Variants in SYNJ2BP observed in about 807,000 individuals in gnomAD.
SYNJ2BP encodes the protein synaptojanin-2-binding protein.
Under a neutral mutation model 16.9 loss-of-function variants are expected in SYNJ2BP, and 10 were observed. The ratio of observed to expected loss-of-function variants is 0.59; its 90% CI spans 0.36 to 1.00. The LOEUF (loss-of-function observed/expected upper bound fraction) is 1.00, where lower values mean the gene tolerates loss of function less well. SYNJ2BP is among the 50% of genes least tolerant of loss of function. SYNJ2BP has a pLI of 0.01. For missense variants in SYNJ2BP, 162 were observed against 186.7 expected (o/e 0.87, Z 0.77); for synonymous variants, 54 against 68.4 (o/e 0.79, Z 1.04).
At chr14:70,399,505 G>T (rs1888186440) in intron 1 of SYNJ2BP, among the ~76,000 whole-genome samples, 1 of 152,210 alleles carries the variant, frequency 6.6e-6, no homozygotes, top group South Asian at 2.1e-4. Context: ...CTGGGGATGG[G>T]TCCTGCCTGG....
chr14:70,369,740 A>G lies in SYNJ2BP; in HGVS notation c.*3251T>C, dbSNP rs1402716050. ...AACAATTAAGTTAAATCGATAACAC[A>G]TAAGTTGAAACTTCACAGGAAAACA... is the stretch of plus-strand genomic sequence containing the variant. On this transcript the variant is annotated 3_prime_UTR_variant, in exon 4 of 4. Coordinates refer to ENST00000256366, the MANE Select transcript of SYNJ2BP (RefSeq NM_018373.3). 2.0e-5 allele frequency: 3 copies of G among 152,254 alleles called. No homozygotes were observed. The highest frequency in any genetic ancestry group is 2.1e-4 in the South Asian group (1 of 4,836). 9.4% of individuals were successfully genotyped at this position (152,254 alleles called of 1,614,324 possible). A position where few individuals can be genotyped will look rare whatever the true frequency, so the allele number is the denominator to read the frequency against.
In SYNJ2BP at chr14:70,371,952, G is replaced by C. The variant is rs1887526662; in HGVS notation, c.*1039C>G. 1 of 152,068 alleles carries C rather than the reference G, an allele frequency of 6.6e-6. No homozygotes were observed. The highest frequency in any genetic ancestry group is 1.5e-5 in the Non-Finnish European group (1 of 68,038). The allele number at this position is 152,068 out of a possible 1,614,324, so 9.4% of individuals were successfully genotyped here. Reference sequence around the variant, plus strand: ...ACCTGGTTCTTCAATAGGACTCTGAGGTATCAAAAAAGTCACTAGGGCAGC... The same window carrying C: ...ACCTGGTTCTTCAATAGGACTCTGACGTATCAAAAAAGTCACTAGGGCAGC... On this transcript the variant is annotated 3_prime_UTR_variant, in exon 4 of 4. Transcript: ENST00000256366.
At chr14:70,395,620 T>C (rs2140847855) in intron 1 of SYNJ2BP, among the ~76,000 whole-genome samples, 1 of 152,332 alleles carries the variant, frequency 6.6e-6, no homozygotes, top group African/African-American at 2.4e-5. Flanking sequence ...TCTTTATCTA[T>C]ATCATGGTAA....
chr14:70,378,831 G>C (rs1887688679), intron 2 of SYNJ2BP, among the ~76,000 whole-genome samples: 1 of 152,078 alleles, frequency 6.6e-6, no homozygotes. Flanking sequence ...TTTTCCTTTT[G>C]TTCCCAAGCA....
At position 70,375,791 on chromosome 14, in the gene SYNJ2BP, T is replaced by C; in HGVS notation, c.202-20A>G. On this transcript the variant is annotated intron_variant, in intron 2 of 3. Transcript: ENST00000256366. ...ATTTACCTGTCAAAACACCAAAGAG[T>C]AGTAAGAAAGGAAGAAGGCTATTAG... 1.9e-6 allele frequency: 3 copies of C among 1,608,800 alleles called. No individual in the cohort carries two copies. The highest frequency in any genetic ancestry group is 4.5e-5 in the East Asian group (2 of 44,840).
chr14:70,416,811 A>T, intron 1 of SYNJ2BP, 89 bp downstream of exon 1: 1 of 1,597,196 alleles, frequency 6.3e-7, no homozygotes, highest in Non-Finnish European at 8.6e-7. Context: ...GCCCGCCCCG[A>T]GGCCAGGTGA....
chr14:70,416,885 C>A lies in SYNJ2BP; in HGVS notation c.64+15G>T, dbSNP rs1228615971. On this transcript the variant is annotated intron_variant, in intron 1 of 3. Coordinates refer to ENST00000256366, the MANE Select transcript of SYNJ2BP (RefSeq NM_018373.3). ...CTAATCCCCTACTGTCAGATATGAC[C>A]CTTTCCGCACATACCTGAGGGCCCT... 2 of 1,614,072 alleles carry A rather than the reference C, an allele frequency of 1.2e-6. No individual in the cohort carries two copies. The highest frequency in any genetic ancestry group is 3.3e-5 in the Admixed American group (2 of 60,016).
Position 70,367,583 on chromosome 14 carries a change from AAAAAG to A in SYNJ2BP, c.*5403_*5407del, listed in dbSNP as rs1386306000. The stretch of plus-strand genomic sequence containing the variant: ...TCTCAAAAAAAAAAAAAAAAAAAAA[AAAAAG>A]AAAAGAAAAGAATCTGGTTCTGATC... On this transcript the variant is annotated 3_prime_UTR_variant, in exon 4 of 4. Coordinates refer to ENST00000256366, the MANE Select transcript of SYNJ2BP (RefSeq NM_018373.3). 3 of 151,356 alleles carry A rather than the reference AAAAAG, an allele frequency of 2.0e-5. No homozygotes were observed. Among genetic ancestry groups the A allele is most frequent in the Admixed American group, 1.3e-4 (2 of 15,142 alleles). 9.4% of individuals were successfully genotyped at this position (151,356 alleles called of 1,614,324 possible). A position where few individuals can be genotyped will look rare whatever the true frequency, so the allele number is the denominator to read the frequency against.
rs1036788024 is a variant in SYNJ2BP at position 70,366,876 on chromosome 14, C to T, written c.*6115G>A. ...CCTGGAGGTAAAATGCAAATATATC[C>T]GGTAATAAGAAGCCCAGATTACTGC... On this transcript the variant is annotated 3_prime_UTR_variant, in exon 4 of 4. Transcript: ENST00000256366. 16 of 152,088 alleles carry T rather than the reference C, an allele frequency of 1.1e-4. No individual in the cohort carries two copies. Among genetic ancestry groups the T allele is most frequent in the Admixed American group, 7.2e-4 (11 of 15,264 alleles). The allele number at this position is 152,088 out of a possible 1,614,324, so 9.4% of individuals were successfully genotyped here. A position where few individuals can be genotyped will look rare whatever the true frequency, so the allele number is the denominator to read the frequency against.
chr14:70,369,546 A>C lies in SYNJ2BP; in HGVS notation c.*3445T>G, dbSNP rs2140797180. ...TGATTCTATTATTACCACCTACATA[A>C]TCCTAGTCAAGTAATTTTTTCTCTC... On this transcript the variant is annotated 3_prime_UTR_variant, in exon 4 of 4. Transcript: ENST00000256366. The C allele has an allele frequency of 6.6e-6, 1 of 152,288 alleles. No homozygotes were observed. Among genetic ancestry groups the C allele is most frequent in the Non-Finnish European group, 1.5e-5 (1 of 68,032 alleles). The allele number at this position is 152,288 out of a possible 1,614,324, so 9.4% of individuals were successfully genotyped here. A position where few individuals can be genotyped will look rare whatever the true frequency, so the allele number is the denominator to read the frequency against.
chr14:70,413,642 AAAG>A lies in SYNJ2BP; in HGVS notation c.64+3255_64+3257del, dbSNP rs369499247. Among the ~76,000 whole-genome samples the A allele has an allele frequency of 1.4e-3, 219 of 152,354 alleles. 2 individuals are homozygous for A. The highest frequency in any genetic ancestry group is 4.9e-3 in the African/African-American group (204 of 41,584). On this transcript the variant is annotated intron_variant, in intron 1 of 3. Coordinates refer to ENST00000256366, the MANE Select transcript of SYNJ2BP (RefSeq NM_018373.3). ...GACAGAGTGAGACGCGTCTCAAAAA[AAAG>A]AAGAACAAAAGAAAGTAATTGTACT...
At chr14:70,411,026 T>C (rs1888461109) in intron 1 of SYNJ2BP, among the ~76,000 whole-genome samples, 2 of 151,562 alleles carry the variant, frequency 1.3e-5, no homozygotes, top group African/African-American at 4.9e-5. Context: ...TGAAAGAAAA[T>C]AAGAAATAAA....
At chr14:70,415,092 A>G (rs1438162071) in intron 1 of SYNJ2BP, among the ~76,000 whole-genome samples, 1 of 151,922 alleles carries the variant, frequency 6.6e-6, no homozygotes, top group African/African-American at 2.4e-5. Context: ...TAATCCCAGC[A>G]CTTTGGAAGG....
At position 70,407,819 on chromosome 14, in the gene SYNJ2BP, G is replaced by A. The variant is rs938842315; in HGVS notation, c.64+9081C>T. 6.6e-5 allele frequency among the ~76,000 whole-genome samples: 10 copies of A among 152,224 alleles called. No individual in the cohort carries two copies. In the East Asian group the frequency reaches 1.3e-3, roughly 21 times the overall value. ...CCGCCCACAGCTACTGCTTATCTCC[G>A]TGACTTTGGATGTCTTCTTCCCTTT... is the stretch of plus-strand genomic sequence containing the variant. On this transcript the variant is annotated intron_variant, in intron 1 of 3. Coordinates refer to ENST00000256366, the MANE Select transcript of SYNJ2BP (RefSeq NM_018373.3).
intron 2 of SYNJ2BP, among the ~76,000 whole-genome samples, chr14:70,376,787 A>C (rs964904546): frequency 3.9e-5 from 6 of 152,232 alleles, no homozygotes; most frequent in Non-Finnish European, 8.8e-5. Flanking sequence ...GAAAGATCAA[A>C]GTGTCCTTGC....
rs1174305468 is a variant in SYNJ2BP at position 70,368,320 on chromosome 14, G to A, written c.*4671C>T. On this transcript the variant is annotated 3_prime_UTR_variant, in exon 4 of 4. Coordinates refer to ENST00000256366, the MANE Select transcript of SYNJ2BP (RefSeq NM_018373.3). ...GTTCTGGTCTTTATTCAGGCCCAAA[G>A]AGAGAAGAAAGAAGTAGACTAAGAT... 2 of 152,180 alleles carry A rather than the reference G, an allele frequency of 1.3e-5. No individual in the cohort carries two copies. The highest frequency in any genetic ancestry group is 2.9e-5 in the Non-Finnish European group (2 of 68,032). The allele number at this position is 152,180 out of a possible 1,614,324, so 9.4% of individuals were successfully genotyped here. A position where few individuals can be genotyped will look rare whatever the true frequency, so the allele number is the denominator to read the frequency against.
intron 2 of SYNJ2BP, among the ~76,000 whole-genome samples, chr14:70,384,456 A>G (rs189595365): frequency 1.7e-4 from 26 of 148,582 alleles, no homozygotes; most frequent in African/African-American, 6.3e-4. Context: ...ATGGCCTAGA[A>G]GTTCACTTAA....
At chr14:70,396,602 G>GTGTA (rs1419948098) in intron 1 of SYNJ2BP, among the ~76,000 whole-genome samples, 16 of 151,518 alleles carry the variant, frequency 1.1e-4, no homozygotes, top group African/African-American at 3.4e-4. Flanking sequence ...GTGTGTATAT[G>GTGTA]TATGTATATA....
Position 70,410,214 on chromosome 14 carries a change from A to G in SYNJ2BP, c.64+6686T>C, listed in dbSNP as rs148112178. ...TGAATAACTTGAGCTCAGGAGTTGGAGACCAGCCTGGGCAACATGGTGAAA... is the reference window on the plus strand; with the variant it reads ...TGAATAACTTGAGCTCAGGAGTTGGGGACCAGCCTGGGCAACATGGTGAAA... On this transcript the variant is annotated intron_variant, in intron 1 of 3. Coordinates refer to ENST00000256366, the MANE Select transcript of SYNJ2BP (RefSeq NM_018373.3). 9.9e-3 allele frequency among the ~76,000 whole-genome samples: 1,508 copies of G among 152,300 alleles called. 30 individuals carry two copies. The highest frequency in any genetic ancestry group is 0.035 in the African/African-American group (1,457 of 41,560).
Sources: allele counts gnomAD v4.1 joint callset (sites outside exome capture counted in the v4.1 genomes callset), GRCh38; gene constraint gnomAD v4.1.1; transcripts MANE v1.5; gene names NCBI Gene and HGNC (gene_info 2026-07-23, HGNC 2026-07-21).